Variants in UCHL5 observed in about 807,000 individuals in gnomAD.
UCHL5 encodes ubiquitin C-terminal hydrolase L5.
A neutral mutation model predicts 53.8 loss-of-function variants in UCHL5; 34 were observed. The ratio of observed to expected loss-of-function variants is 0.63; its 90% CI spans 0.48 to 0.84. The LOEUF (loss-of-function observed/expected upper bound fraction) is 0.84. UCHL5 is among the 40% of genes least tolerant of loss of function. The probability of loss-of-function intolerance (pLI) is 0.00; values close to 1 mark genes in which losing one functional copy is unlikely to be tolerated. For synonymous variants in UCHL5, 111 were observed against 126.3 expected (o/e 0.88, Z 0.81); for missense variants, 290 against 385.6 (o/e 0.75, Z 2.08).
chr1:193,057,203 A>G (rs1670889860), intron 1 of UCHL5: 2 of 152,276 alleles, frequency 1.3e-5, no homozygotes, highest in Admixed American at 1.3e-4. Context: ...CCAGCCACCC[A>G]GGCTAGAAAC....
intron 10 of UCHL5, among the ~76,000 whole-genome samples, chr1:193,020,673 A>C (rs1656649242): frequency 6.6e-6 from 1 of 151,996 alleles, no homozygotes; most frequent in South Asian, 2.1e-4. Context: ...AATTAGAAAT[A>C]AGAAAACCTA....
At chr1:193,056,155 A>C (rs1670566056) in intron 1 of UCHL5, among the ~76,000 whole-genome samples, 1 of 152,148 alleles carries the variant, frequency 6.6e-6, no homozygotes, top group South Asian at 2.1e-4. Flanking sequence ...CTAAATTGTC[A>C]AATTTATTGG....
intron 7 of UCHL5, among the ~76,000 whole-genome samples, chr1:193,027,474 C>T (rs1659715815): frequency 6.6e-6 from 1 of 152,074 alleles, no homozygotes; most frequent in Non-Finnish European, 1.5e-5. Context: ...CACTTGAGGT[C>T]AGGAGTTTGA....
Position 193,012,343 on chromosome 1 carries a change from C to A in UCHL5, c.*4008G>T, listed in dbSNP as rs1654278514. 1 of 152,090 alleles carries A rather than the reference C, an allele frequency of 6.6e-6. No homozygotes were observed. Among genetic ancestry groups the A allele is most frequent in the Non-Finnish European group, 1.5e-5 (1 of 68,026 alleles). The allele number at this position is 152,090 out of a possible 1,614,324, so 9.4% of individuals were successfully genotyped here. A position where few individuals can be genotyped will look rare whatever the true frequency, so the allele number is the denominator to read the frequency against. On this transcript the variant is annotated 3_prime_UTR_variant, in exon 11 of 11. Transcript: ENST00000367454. ...ATATTACATAAAATATATGGATAAGCTAAAAAGTAAATAGAGCAGTAGTCC... is the reference window on the plus strand; with the variant it reads ...ATATTACATAAAATATATGGATAAGATAAAAAGTAAATAGAGCAGTAGTCC...
At chr1:193,038,598 T>C in intron 3 of UCHL5, among the ~76,000 whole-genome samples, 1 of 152,018 alleles carries the variant, frequency 6.6e-6, no homozygotes, top group East Asian at 1.9e-4. Context: ...GCATCCAAAC[T>C]GGAAAGGAAG....
intron 3 of UCHL5, among the ~76,000 whole-genome samples, chr1:193,040,018 T>C (rs1664992401): frequency 6.6e-6 from 1 of 152,108 alleles, no homozygotes; most frequent in South Asian, 2.1e-4. Context: ...AAGACTTAAA[T>C]ATAAGACTTG....
chr1:193,049,902 T>G lies in UCHL5; in HGVS notation c.141-51A>C, dbSNP rs528521629. 7 of 1,455,616 alleles carry G rather than the reference T, an allele frequency of 4.8e-6. No homozygotes were observed. In the South Asian group the frequency reaches 9.2e-5, roughly 19 times the overall value. The allele number at this position is 1,455,616 out of a possible 1,614,324, so 90.2% of individuals were successfully genotyped here. A position where few individuals can be genotyped will look rare whatever the true frequency, so the allele number is the denominator to read the frequency against. On this transcript the variant is annotated intron_variant, in intron 2 of 10. Transcript: ENST00000367454. ...ACATCAAACCCTGCTTCTTTCATAA[T>G]ACATTGTTAATCTATAAAATTTTAG...
At chr1:193,018,326 A>AT (rs1470613837) in intron 10 of UCHL5, 1 of 230,422 alleles carries the variant, frequency 4.3e-6, no homozygotes, top group Non-Finnish European at 7.1e-6. Flanking sequence ...ATAGACAATG[A>AT]TTCATAATTA....
intron 3 of UCHL5, among the ~76,000 whole-genome samples, chr1:193,031,629 AAAAAC>A (rs1661451334): frequency 6.6e-6 from 1 of 152,168 alleles, no homozygotes; most frequent in Non-Finnish European, 1.5e-5. Context: ...AAAATTAACA[AAAAAC>A]AAAAGAAAAT....
At chr1:193,036,359 C>T (rs1374078768) in intron 3 of UCHL5, among the ~76,000 whole-genome samples, 1 of 147,506 alleles carries the variant, frequency 6.8e-6, no homozygotes, top group East Asian at 2.0e-4. Flanking sequence ...GAGTACTATC[C>T]TTATATCAGA....
intron 7 of UCHL5, among the ~76,000 whole-genome samples, chr1:193,025,498 T>A (rs1049259061): frequency 6.6e-6 from 1 of 152,194 alleles, no homozygotes; most frequent in African/African-American, 2.4e-5. Flanking sequence ...CCTCATCCAC[T>A]TCAGTATGAG....
intron 3 of UCHL5, among the ~76,000 whole-genome samples, chr1:193,039,265 C>T (rs1045698708): frequency 2.0e-5 from 3 of 151,964 alleles, no homozygotes; most frequent in African/African-American, 7.2e-5. Flanking sequence ...CAAAAATTAG[C>T]CTGGCATGGT....
At chr1:193,017,300 C>CT (rs1557979721) in intron 10 of UCHL5, among the ~76,000 whole-genome samples, 2 of 151,628 alleles carry the variant, frequency 1.3e-5, no homozygotes, top group Non-Finnish European at 3.0e-5. Flanking sequence ...CATTATACAA[C>CT]TTTTTTTAAA....
In UCHL5 at chr1:193,059,007, A is replaced by G. The variant is rs1671825660; in HGVS notation, c.76+178T>C. On this transcript the variant is annotated intron_variant, in intron 1 of 10. Transcript: ENST00000367454. The surrounding 1 kb of genome is among the most constrained non-coding windows in gnomAD (Gnocchi z 4.9). ...TGTGGCTCTACAAATTACTGTGGAA[A>G]CGCGACTGTCTCGAGCTGAGGAGAG... 6.6e-6 allele frequency among the ~76,000 whole-genome samples: 1 copy of G among 152,172 alleles called. No individual in the cohort carries two copies. The highest frequency in any genetic ancestry group is 2.4e-5 in the African/African-American group (1 of 41,434).
intron 1 of UCHL5, among the ~76,000 whole-genome samples, chr1:193,055,508 C>G (rs904329712): frequency 6.6e-6 from 1 of 152,196 alleles, no homozygotes; most frequent in Non-Finnish European, 1.5e-5. Context: ...ACCCTTATCT[C>G]TAAACCAAAA....
intron 3 of UCHL5, among the ~76,000 whole-genome samples, chr1:193,043,619 A>T (rs1666434031): frequency 1.3e-5 from 2 of 148,656 alleles, no homozygotes; most frequent in Non-Finnish European, 3.0e-5. Flanking sequence ...CCACACTGAT[A>T]GTCTAATAAT....
chr1:193,059,937 C>G, upstream of UCHL5: 1 of 1,366,338 alleles, frequency 7.3e-7, no homozygotes, highest in South Asian at 1.1e-5. The surrounding 1 kb of genome is among the most constrained non-coding windows in gnomAD (Gnocchi z 4.9). Flanking sequence ...CGCGCCTGTC[C>G]ACCCTGGGTA....
chr1:193,044,097 G>T (rs142377908), intron 3 of UCHL5, among the ~76,000 whole-genome samples: 2 of 152,134 alleles, frequency 1.3e-5, no homozygotes, highest in Non-Finnish European at 2.9e-5. Flanking sequence ...CTCTACAGTT[G>T]GTGTTCAAAG....
At chr1:193,027,772 T>C (rs1413054560) in intron 7 of UCHL5, 2 of 514,678 alleles carry the variant, frequency 3.9e-6, no homozygotes, top group East Asian at 5.8e-5. Context: ...GACATACTAC[T>C]ACATGAAATT....
Sources: allele counts gnomAD v4.1 joint callset (sites outside exome capture counted in the v4.1 genomes callset), GRCh38; gene constraint gnomAD v4.1.1; non-coding constraint Gnocchi (gnomAD v3.1); transcripts MANE v1.5; gene names NCBI Gene and HGNC (gene_info 2026-07-23, HGNC 2026-07-21).